The following SLC4A4 variants were observed in gnomAD, a reference collection of about 807,000 sequenced individuals.
SLC4A4 encodes the protein electrogenic sodium bicarbonate cotransporter 1.
A neutral mutation model predicts 111.5 loss-of-function variants in SLC4A4; 27 were observed. The ratio of observed to expected loss-of-function variants is 0.24; its 90% CI spans 0.18 to 0.33. SLC4A4 has a LOEUF of 0.33. Among genes scored for constraint, SLC4A4 ranks in the 10% least tolerant of loss-of-function variants. The pLI is 1.00. For synonymous variants in SLC4A4, 443 were observed against 463.4 expected (o/e 0.96, Z 0.57); for missense variants, 909 against 1,315.5 (o/e 0.69, Z 4.78).
chr4:71,453,402 A>C, intron 11 of SLC4A4, 93 bp from the exon 12 acceptor site: 1 of 1,228,300 alleles, frequency 8.1e-7, no homozygotes, highest in Non-Finnish European at 1.2e-6. Flanking sequence ...AAGCATTTTA[A>C]ATATGTTGTG....
At chr4:71,255,431 C>G (rs1200944449) in intron 3 of SLC4A4, 32 bp downstream of exon 3, 2 of 1,608,008 alleles carry the variant, frequency 1.2e-6, no homozygotes, top group Admixed American at 1.7e-5. Flanking sequence ...GTGCCTCTCT[C>G]TGCCTCACTC....
At position 71,430,963 on chromosome 4, in the gene SLC4A4, A is replaced by G. The variant is rs571620868; in HGVS notation, c.808-9653A>G. Among the ~76,000 whole-genome samples the G allele has an allele frequency of 5.3e-5, 8 of 152,218 alleles. No homozygotes were observed. In the South Asian group the frequency reaches 1.4e-3, roughly 28 times the overall value. ...TCTTTTGTCCACATATGTGGCCTGG[A>G]TAGGATGTGTAGAACCCACTTCTTT... On this transcript the variant is annotated intron_variant, in intron 7 of 25. Transcript: ENST00000264485.
rs183284207 is a variant in SLC4A4, at chr4:71,252,292, C to T, written c.74-2928C>T. ...ATAGCTTATTAAGTATTTGATTGTC[C>T]CTTTGAGACAGCATGTCTGTATTAC... is the stretch of plus-strand genomic sequence containing the variant. On this transcript the variant is annotated intron_variant, in intron 2 of 25. Transcript: ENST00000264485. Among the ~76,000 whole-genome samples, 13 of 152,052 alleles carry T rather than the reference C, an allele frequency of 8.5e-5. No individual in the cohort carries two copies. The East Asian group carries it at 2.5e-3, about 29-fold the overall frequency.
At chr4:71,457,886 C>T (rs1009940332) in intron 12 of SLC4A4, among the ~76,000 whole-genome samples, 2 of 152,100 alleles carry the variant, frequency 1.3e-5, no homozygotes, top group Non-Finnish European at 2.9e-5. Context: ...TACCTTTGCA[C>T]ATCCATATAC....
chr4:71,344,278 A>G (rs1047577995), intron 4 of SLC4A4, among the ~76,000 whole-genome samples: 1 of 152,116 alleles, frequency 6.6e-6, no homozygotes, highest in African/African-American at 2.4e-5. Flanking sequence ...CTCCACCTAC[A>G]TTCTTTGGAG....
At chr4:71,177,504 A>G (rs1453687739) in intron 2 of SLC4A4, among the ~76,000 whole-genome samples, 2 of 152,160 alleles carry the variant, frequency 1.3e-5, no homozygotes, top group Non-Finnish European at 2.9e-5. Context: ...CAAATGGAAA[A>G]CAAAAAAAGG....
chr4:71,417,833 C>G (rs1483830520), intron 7 of SLC4A4, among the ~76,000 whole-genome samples: 1 of 152,066 alleles, frequency 6.6e-6, no homozygotes, highest in Non-Finnish European at 1.5e-5. Flanking sequence ...AAATCTATTC[C>G]TCAGACATGT....
chr4:71,272,628 A>C (rs1722776733), intron 3 of SLC4A4, among the ~76,000 whole-genome samples: 1 of 152,044 alleles, frequency 6.6e-6, no homozygotes, highest in Non-Finnish European at 1.5e-5. Context: ...ACAAGTTTGA[A>C]TTTTCCTAAA....
chr4:71,481,753 AT>A (rs5859265), intron 14 of SLC4A4, among the ~76,000 whole-genome samples: 80,942 of 151,568 alleles, frequency 0.53, 25,078 homozygotes, highest in Non-Finnish European at 0.71. Flanking sequence ...TACTTACAAT[AT>A]TCATTCCCTC....
At chr4:71,373,549 G>A (rs533891331) in intron 6 of SLC4A4, among the ~76,000 whole-genome samples, 12 of 152,314 alleles carry the variant, frequency 7.9e-5, no homozygotes, top group African/African-American at 1.9e-4. Context: ...ATGAGGTAGA[G>A]TGAGTTGATA....
chr4:71,261,155 G>A (rs1721826079), intron 3 of SLC4A4, among the ~76,000 whole-genome samples: 1 of 152,206 alleles, frequency 6.6e-6, no homozygotes, highest in African/African-American at 2.4e-5. Flanking sequence ...TATCTTGCCA[G>A]TGAGTGTCAG....
chr4:71,076,005 A>C (rs1741805670), intron 1 of SLC4A4, among the ~76,000 whole-genome samples: 1 of 146,344 alleles, frequency 6.8e-6, no homozygotes, highest in Non-Finnish European at 1.5e-5. Context: ...AAATAAATAA[A>C]TAGCAATCCC....
rs1359305227 is a variant in SLC4A4 at position 71,086,886 on chromosome 4, C to T, written c.-64-5844C>T. On this transcript the variant is annotated intron_variant, in intron 1 of 26. Coordinates refer to the SLC4A4 transcript ENST00000649996. The stretch of plus-strand genomic sequence containing the variant: ...ATTCTCTTTTTTTGTTGTGTCTCTG[C>T]CAGGCTTTGGTATCAGGATGGTGCT... Among the ~76,000 whole-genome samples, 3 of 151,898 alleles carry T rather than the reference C, an allele frequency of 2.0e-5. 1 individual carries two copies. The highest frequency in any genetic ancestry group is 3.9e-4 in the East Asian group (2 of 5,194).
intron 16 of SLC4A4, among the ~76,000 whole-genome samples, chr4:71,514,979 T>G (rs1370200178): frequency 6.6e-6 from 1 of 152,036 alleles, no homozygotes; most frequent in Non-Finnish European, 1.5e-5. Context: ...TAGTCTGTAT[T>G]TGTTAGTTCT....
At chr4:71,231,265 G>C (rs1443454176) in intron 1 of SLC4A4, among the ~76,000 whole-genome samples, 2 of 152,338 alleles carry the variant, frequency 1.3e-5, no homozygotes, top group East Asian at 3.9e-4. Context: ...GCGCTGTGCG[G>C]ACTAGCTGGT....
rs571362512 is a variant in SLC4A4 at position 71,394,518 on chromosome 4, T to G, written c.731-3059T>G. Among the ~76,000 whole-genome samples, 7 of 152,224 alleles carry G rather than the reference T, an allele frequency of 4.6e-5. No individual in the cohort carries two copies. The East Asian group carries it at 1.3e-3, about 29-fold the overall frequency. On this transcript the variant is annotated intron_variant, in intron 6 of 25. Coordinates refer to ENST00000264485, the MANE Select transcript of SLC4A4 (RefSeq NM_001098484.3). ...AAAAAACAGTAAATGTTGGTGTGGA[T>G]GGCGGTGATCAGGGAACACTTCTAC...
Position 71,536,216 on chromosome 4 carries a change from G to A in SLC4A4, c.2442+1828G>A, listed in dbSNP as rs552982764. On this transcript the variant is annotated intron_variant, in intron 18 of 25. Coordinates refer to ENST00000264485, the MANE Select transcript of SLC4A4 (RefSeq NM_001098484.3). Reference sequence around the variant, plus strand: ...TGGCACAGCCTTACTTCTTTACTTTGCTGTAGTCAATGGGTCAAAATAGTC... The same window carrying A: ...TGGCACAGCCTTACTTCTTTACTTTACTGTAGTCAATGGGTCAAAATAGTC... Among the ~76,000 whole-genome samples the A allele has an allele frequency of 3.3e-5, 5 of 151,402 alleles. No homozygotes were observed. In the East Asian group the frequency reaches 9.8e-4, roughly 30 times the overall value.
chr4:71,496,940 G>A (rs1463910167), intron 15 of SLC4A4, among the ~76,000 whole-genome samples: 1 of 152,064 alleles, frequency 6.6e-6, no homozygotes, highest in Non-Finnish European at 1.5e-5. Flanking sequence ...AATTGAAAAA[G>A]CAGGGACCAT....
intron 6 of SLC4A4, among the ~76,000 whole-genome samples, chr4:71,377,830 G>A (rs1459892986): frequency 6.6e-6 from 1 of 152,142 alleles, no homozygotes; most frequent in Admixed American, 6.5e-5. Flanking sequence ...GTCATGTATT[G>A]TATTAGTCCA....
Sources: gnomAD v4.1 joint callset for allele counts (sites outside exome capture counted in the v4.1 genomes callset) on GRCh38, gnomAD v4.1.1 for gene constraint, MANE v1.5 for transcripts, NCBI Gene and HGNC (gene_info 2026-07-23, HGNC 2026-07-21) for gene names.